The following DMRT1 variants were observed in gnomAD, a reference collection of about 807,000 sequenced individuals.
DMRT1 encodes doublesex- and mab-3-related transcription factor 1.
A neutral mutation model predicts 32.3 loss-of-function variants in DMRT1; 7 were observed. The observed-to-expected ratio is 0.22, with a 90% confidence interval of 0.12 to 0.41. DMRT1 has a LOEUF of 0.41. Among genes scored for constraint, DMRT1 ranks in the 10% least tolerant of loss-of-function variants. The pLI, the probability that DMRT1 is intolerant of heterozygous loss-of-function variation, is 1.00. For missense variants in DMRT1, 625 were observed against 500.5 expected, an observed-to-expected ratio of 1.25 and a Z score of -2.37; for synonymous variants, 278 against 206.1, an observed-to-expected ratio of 1.35 and a Z score of -2.99.
chr9:874,836 C>G (rs1254065302), intron 2 of DMRT1, among the ~76,000 whole-genome samples: 1 of 117,216 alleles, frequency 8.5e-6, no homozygotes, highest in Non-Finnish European at 1.6e-5. Context: ...GAGATGGAGT[C>G]TCGCTCTGTC....
At chr9:912,571 T>C (rs1347794876) in intron 3 of DMRT1, among the ~76,000 whole-genome samples, 1 of 152,270 alleles carries the variant, frequency 6.6e-6, no homozygotes, top group African/African-American at 2.4e-5. Context: ...ATTGTGTTTA[T>C]TTTCCAGTAA....
At chr9:920,906 A>G (rs747243864) in intron 4 of DMRT1, among the ~76,000 whole-genome samples, 1 of 152,180 alleles carries the variant, frequency 6.6e-6, no homozygotes, top group African/African-American at 2.4e-5. Context: ...AGAAATAGAG[A>G]GGAAACAAAC....
In DMRT1 at chr9:901,624, G is replaced by T. The variant is rs542785897; in HGVS notation, c.822+7429G>T. On this transcript the variant is annotated intron_variant, in intron 3 of 4. Coordinates refer to ENST00000382276, the MANE Select transcript of DMRT1 (RefSeq NM_021951.3). ...TTATAGGCGGGAGCCACCGCGCCCG[G>T]CTGCCTGACCAATTTTTAAGACATA... Among the ~76,000 whole-genome samples the T allele has an allele frequency of 3.1e-4, 47 of 150,950 alleles. No homozygotes were observed. In the South Asian group the frequency reaches 4.8e-3, roughly 15 times the overall value.
intron 3 of DMRT1, among the ~76,000 whole-genome samples, chr9:897,585 C>CT (rs1384720370): frequency 6.7e-6 from 1 of 149,110 alleles, no homozygotes; most frequent in East Asian, 2.0e-4. Flanking sequence ...GAGCAAGACA[C>CT]TGTCTCCAAA....
chr9:900,665 G>A (rs1319638200), intron 3 of DMRT1, among the ~76,000 whole-genome samples: 1 of 151,820 alleles, frequency 6.6e-6, no homozygotes, highest in East Asian at 1.9e-4. Context: ...GGAGAAGACA[G>A]CAGAATGCAA....
chr9:852,286 G>T, intron 2 of DMRT1, among the ~76,000 whole-genome samples: 1 of 88,620 alleles, frequency 1.1e-5, no homozygotes, highest in Admixed American at 1.1e-4. Context: ...CATTTTTGGA[G>T]TATTCAGAAA....
chr9:911,497 TTTTTTTTTTTTTTTA>T (rs1817985064), intron 3 of DMRT1, among the ~76,000 whole-genome samples: 1 of 90,766 alleles, frequency 1.1e-5, no homozygotes, highest in African/African-American at 6.3e-5. Context: ...TTTTTTTTTT[TTTTTTTTTTTTTTTA>T]GATGGAGTCG....
chr9:911,487 T>G lies in DMRT1; in HGVS notation c.823-5276T>G, dbSNP rs201340126. On this transcript the variant is annotated intron_variant, in intron 3 of 4. Coordinates refer to ENST00000382276, the MANE Select transcript of DMRT1 (RefSeq NM_021951.3). ...TTAATTGCATTTTTTTTTTTTTTTT[T>G]TTTTTTTTTTTTTTTTTTTTTTTTA... Among the ~76,000 whole-genome samples the G allele has an allele frequency of 4.4e-3, 313 of 71,448 alleles. 2 individuals carry two copies. The highest frequency in any genetic ancestry group is 0.018 in the East Asian group (44 of 2,452). 46.9% of individuals were successfully genotyped at this position (71,448 alleles called of 152,430 possible). A position where few individuals can be genotyped will look rare whatever the true frequency, so the allele number is the denominator to read the frequency against.
At chr9:881,478 A>G (rs748722469) in intron 2 of DMRT1, among the ~76,000 whole-genome samples, 7 of 152,222 alleles carry the variant, frequency 4.6e-5, no homozygotes, top group Admixed American at 2.0e-4. Context: ...TAAAAGCAGG[A>G]TCTGAATCCT....
At chr9:937,544 G>A (rs1053882887) in intron 4 of DMRT1, among the ~76,000 whole-genome samples, 1 of 152,116 alleles carries the variant, frequency 6.6e-6, no homozygotes, top group Non-Finnish European at 1.5e-5. Flanking sequence ...CCTTCCTAAT[G>A]GGTGTAAAGT....
intron 2 of DMRT1, among the ~76,000 whole-genome samples, chr9:852,341 G>A (rs942058378): frequency 6.7e-6 from 1 of 149,326 alleles, no homozygotes; most frequent in Non-Finnish European, 1.5e-5. Context: ...AATAATTAAC[G>A]GCAAATTTAC....
rs1362092046 is a variant in DMRT1 at position 860,186 on chromosome 9, A to G, written c.538+13043A>G. On this transcript the variant is annotated intron_variant, in intron 2 of 4. Coordinates refer to ENST00000382276, the MANE Select transcript of DMRT1 (RefSeq NM_021951.3). The stretch of plus-strand genomic sequence containing the variant: ...GTGGCGCATGCCTGTAGTCCTAGCT[A>G]CTTGGGAGGCTGGGGCAGGAGAATG... Among the ~76,000 whole-genome samples the G allele has an allele frequency of 2.0e-5, 3 of 152,280 alleles. No homozygotes were observed. The East Asian group carries it at 5.8e-4, about 29-fold the overall frequency.
chr9:943,254 G>T (rs1819135400), intron 4 of DMRT1, among the ~76,000 whole-genome samples: 1 of 152,202 alleles, frequency 6.6e-6, no homozygotes, highest in Non-Finnish European at 1.5e-5. Context: ...ATAAAACAGA[G>T]TATTTACCTT....
At chr9:942,293 A>G (rs1042524598) in intron 4 of DMRT1, among the ~76,000 whole-genome samples, 3 of 152,032 alleles carry the variant, frequency 2.0e-5, no homozygotes, top group Non-Finnish European at 2.9e-5. Context: ...TTTTTATTTG[A>G]GTCAGGGTCT....
At chr9:847,412 T>C (rs1838954942) in intron 2 of DMRT1, among the ~76,000 whole-genome samples, 1 of 152,204 alleles carries the variant, frequency 6.6e-6, no homozygotes. Context: ...GGTGAGATTG[T>C]TCAGATTTCA....
chr9:952,254 T>G (rs368621036), intron 4 of DMRT1, among the ~76,000 whole-genome samples: 75 of 152,286 alleles, frequency 4.9e-4, no homozygotes, highest in African/African-American at 1.8e-3. Flanking sequence ...GTAACCAAAT[T>G]AGCGCCACAG....
intron 2 of DMRT1, among the ~76,000 whole-genome samples, chr9:848,822 T>C (rs2132547286): frequency 6.7e-6 from 1 of 149,160 alleles, no homozygotes; most frequent in African/African-American, 2.4e-5. Flanking sequence ...CCCAAAGTGC[T>C]GGGATTACAG....
chr9:863,875 C>A (rs891824362), intron 2 of DMRT1, among the ~76,000 whole-genome samples: 1 of 152,100 alleles, frequency 6.6e-6, no homozygotes, highest in Non-Finnish European at 1.5e-5. Context: ...TGTCCTTTGC[C>A]CATTTCTCTA....
intron 2 of DMRT1, among the ~76,000 whole-genome samples, chr9:884,504 A>T (rs909366352): frequency 2.0e-5 from 3 of 152,204 alleles, no homozygotes; most frequent in Non-Finnish European, 4.4e-5. Context: ...ATCTCTGCAG[A>T]TGCATCTGAG....
Sources: gnomAD v4.1 joint callset for allele counts (sites outside exome capture counted in the v4.1 genomes callset) on GRCh38, gnomAD v4.1.1 for gene constraint, MANE v1.5 for transcripts, NCBI Gene and HGNC (gene_info 2026-07-23, HGNC 2026-07-21) for gene names.